The following KCNB2 variants were observed in gnomAD, a reference collection of about 807,000 sequenced individuals.
KCNB2 encodes potassium voltage-gated channel subfamily B member 2, also known as delayed rectifier potassium channel protein.
Under a neutral mutation model 61.5 loss-of-function variants are expected in KCNB2, and 15 were observed. The observed-to-expected ratio is 0.24, with a 90% confidence interval of 0.16 to 0.38. The LOEUF (loss-of-function observed/expected upper bound fraction) is 0.38. Ranked by LOEUF, KCNB2 falls within the 10% of genes least tolerant of loss-of-function variation. The pLI, the probability that KCNB2 is intolerant of heterozygous loss-of-function variation, is 1.00. For synonymous variants in KCNB2, 457 were observed against 446.0 expected, an observed-to-expected ratio of 1.02 and a Z score of -0.31; for missense variants, 828 against 1,125.2, an observed-to-expected ratio of 0.74 and a Z score of 3.78.
intron 2 of KCNB2, among the ~76,000 whole-genome samples, chr8:72,885,816 G>A (rs999119614): frequency 7.9e-5 from 12 of 151,972 alleles, no homozygotes; most frequent in African/African-American, 2.9e-4. Flanking sequence ...GAGATAGCAT[G>A]TAGGGCTATT....
At chr8:72,749,493 C>G (rs1189652856) in intron 2 of KCNB2, 1 of 151,856 alleles carries the variant, frequency 6.6e-6, no homozygotes, top group Non-Finnish European at 1.5e-5. Context: ...AAGAAATGAT[C>G]ATTGTATTTT....
intron 2 of KCNB2, among the ~76,000 whole-genome samples, chr8:72,718,485 TA>T (rs1037913581): frequency 6.6e-6 from 1 of 152,066 alleles, no homozygotes; most frequent in Non-Finnish European, 1.5e-5. Context: ...TATGCAGCCA[TA>T]AAAAATGATG....
At chr8:72,570,489 T>A (rs1289361059) in intron 2 of KCNB2, among the ~76,000 whole-genome samples, 5 of 152,188 alleles carry the variant, frequency 3.3e-5, no homozygotes, top group Admixed American at 1.3e-4. Context: ...GTCTGAGGTT[T>A]AGAGCCTTTT....
chr8:72,850,256 G>A (rs1016545978), intron 2 of KCNB2, among the ~76,000 whole-genome samples: 8 of 149,616 alleles, frequency 5.3e-5, no homozygotes, highest in Admixed American at 4.7e-4. Context: ...GTCTCACTCT[G>A]TCACCCAGGC....
At chr8:72,642,476 G>A (rs557900904) in intron 2 of KCNB2, among the ~76,000 whole-genome samples, 1 of 152,190 alleles carries the variant, frequency 6.6e-6, no homozygotes, top group Admixed American at 6.6e-5. Flanking sequence ...CAGTGAGCAC[G>A]GTTTGTGGAC....
chr8:72,927,882 A>G (rs1459352645), intron 2 of KCNB2, among the ~76,000 whole-genome samples: 3 of 152,156 alleles, frequency 2.0e-5, no homozygotes, highest in East Asian at 3.9e-4. Context: ...GCCTTTGCCC[A>G]CCATTTTCCT....
intron 2 of KCNB2, among the ~76,000 whole-genome samples, chr8:72,818,806 A>T (rs865794750): frequency 2.1e-4 from 32 of 151,896 alleles, no homozygotes; most frequent in African/African-American, 7.2e-4. Flanking sequence ...CTTCTCTCTC[A>T]TTTCTCATAT....
At chr8:72,701,523 A>G (rs923292616) in intron 2 of KCNB2, among the ~76,000 whole-genome samples, 4 of 144,656 alleles carry the variant, frequency 2.8e-5, no homozygotes, top group African/African-American at 1.1e-4. Context: ...ATTTTACCTT[A>G]CACCTGTCCC....
chr8:72,666,655 T>G (rs1442175535), intron 2 of KCNB2, among the ~76,000 whole-genome samples: 1 of 147,316 alleles, frequency 6.8e-6, no homozygotes. Context: ...ATAAAAAGTT[T>G]TTTTTTTTTT....
At chr8:72,794,790 C>T (rs943900184) in intron 2 of KCNB2, among the ~76,000 whole-genome samples, 2 of 151,976 alleles carry the variant, frequency 1.3e-5, no homozygotes, top group Non-Finnish European at 2.9e-5. Context: ...ATTTAGAAGC[C>T]CCCATTATGT....
chr8:72,928,526 A>C (rs1806704198), intron 2 of KCNB2, among the ~76,000 whole-genome samples: 1 of 152,108 alleles, frequency 6.6e-6, no homozygotes, highest in South Asian at 2.1e-4. Flanking sequence ...CATATCTAAG[A>C]TGTTGTATGT....
intron 2 of KCNB2, among the ~76,000 whole-genome samples, chr8:72,935,290 C>A (rs12545401): frequency 0.14 from 20,730 of 152,156 alleles, 3,327 homozygotes; most frequent in East Asian, 0.79. Context: ...TCAAACTCTT[C>A]TTTATGAAAC....
chr8:72,746,033 T>C (rs530294538), intron 2 of KCNB2, among the ~76,000 whole-genome samples: 2 of 152,348 alleles, frequency 1.3e-5, no homozygotes, highest in Admixed American at 1.3e-4. Context: ...TTATCTGTTC[T>C]GTGTACTAGT....
In KCNB2 at chr8:72,854,492, C is replaced by CAA. The variant is rs544984788; in HGVS notation, c.580-81442_580-81441dup. ...ATTCATTCACTTAACAAATGTTTACCAAGTATCTGCTAAGTGCAGAACACT... is the reference window on the plus strand; with the variant it reads ...ATTCATTCACTTAACAAATGTTTACCAAAAGTATCTGCTAAGTGCAGAACACT... On this transcript the variant is annotated intron_variant, in intron 2 of 2. Coordinates refer to ENST00000523207, the MANE Select transcript of KCNB2 (RefSeq NM_004770.3). Among the ~76,000 whole-genome samples the CAA allele has an allele frequency of 1.6e-4, 24 of 152,198 alleles. No individual in the cohort carries two copies. In the South Asian group the frequency reaches 5.0e-3, roughly 32 times the overall value.
intron 2 of KCNB2, among the ~76,000 whole-genome samples, chr8:72,700,186 G>T (rs1024284788): frequency 6.6e-6 from 1 of 151,874 alleles, no homozygotes; most frequent in African/African-American, 2.4e-5. Flanking sequence ...CACACACCAG[G>T]TTCTGTTGGG....
chr8:72,707,216 A>G (rs1294841997), intron 2 of KCNB2, among the ~76,000 whole-genome samples: 2 of 152,230 alleles, frequency 1.3e-5, no homozygotes, highest in African/African-American at 2.4e-5. Context: ...ATGTTTAAAA[A>G]ATAATAACCC....
At chr8:72,619,177 G>A in intron 2 of KCNB2, 1 of 375,160 alleles carries the variant, frequency 2.7e-6, no homozygotes, top group Non-Finnish European at 5.3e-6. Flanking sequence ...GATTTTGTTT[G>A]AAAGATCAGA....
chr8:72,854,751 G>C (rs1810178279), intron 2 of KCNB2, among the ~76,000 whole-genome samples: 1 of 152,060 alleles, frequency 6.6e-6, no homozygotes, highest in East Asian at 1.9e-4. Flanking sequence ...GAAGTAGAGG[G>C]GGAAAGAGCA....
At chr8:72,608,263 A>G (rs1047896807) in intron 2 of KCNB2, among the ~76,000 whole-genome samples, 3 of 152,102 alleles carry the variant, frequency 2.0e-5, no homozygotes, top group African/African-American at 7.2e-5. Context: ...TGGCTGGAAT[A>G]GGGAGGTGAG....
Sources: allele counts gnomAD v4.1 joint callset (sites outside exome capture counted in the v4.1 genomes callset), GRCh38; gene constraint gnomAD v4.1.1; transcripts MANE v1.5; gene names NCBI Gene and HGNC (gene_info 2026-07-23, HGNC 2026-07-21).